Variants in OR52E5 observed in about 807,000 individuals in gnomAD.
OR52E5 encodes the protein olfactory receptor family 52 subfamily E member 5, also known as olfactory receptor 52E5.
intron 2 of OR52E5, among the ~76,000 whole-genome samples, chr11:5,898,877 C>T (rs566580268): frequency 2.0e-5 from 3 of 152,150 alleles, no homozygotes; most frequent in Non-Finnish European, 4.4e-5. Flanking sequence ...TAGTGTGATG[C>T]CTTTGGCTTT....
chr11:5,897,049 G>T (rs368531684), intron 2 of OR52E5, among the ~76,000 whole-genome samples: 1 of 152,216 alleles, frequency 6.6e-6, no homozygotes, highest in Non-Finnish European at 1.5e-5. Flanking sequence ...GCAGGGGATA[G>T]ATGTAAATAG....
chr11:5,893,823 G>T (rs1246934702), intron 1 of OR52E5, among the ~76,000 whole-genome samples: 1 of 151,898 alleles, frequency 6.6e-6, no homozygotes, highest in Non-Finnish European at 1.5e-5. Context: ...AATAAAAAAG[G>T]CTTACTTTTT....
chr11:5,899,094 T>C (rs1295832401), intron 2 of OR52E5, among the ~76,000 whole-genome samples: 1 of 152,216 alleles, frequency 6.6e-6, no homozygotes, highest in East Asian at 1.9e-4. Context: ...TTGCGTTATC[T>C]GTGATTTCTT....
At position 5,897,244 on chromosome 11, in the gene OR52E5, A is replaced by G. The variant is rs541736938; in HGVS notation, c.-146+1531A>G. 2.0e-5 allele frequency among the ~76,000 whole-genome samples: 3 copies of G among 152,302 alleles called. No homozygotes were observed. In the South Asian group the frequency reaches 6.2e-4, roughly 32 times the overall value. On this transcript the variant is annotated intron_variant, in intron 2 of 2. Coordinates refer to ENST00000610445, the MANE Select transcript of OR52E5 (RefSeq NM_001005166.5). ...TGAACCCATCACCCAAATAGTGAAC[A>G]TTGTACCCAAAAGGTAGTTTTTCAA...
In OR52E5 at chr11:5,900,993, C is replaced by T. The variant is rs2134297066; in HGVS notation, c.217C>T (p.Leu73=). 2.5e-6 allele frequency: 1 copy of T among 402,062 alleles called. No homozygotes were observed. Among genetic ancestry groups the T allele is most frequent in the East Asian group, 3.6e-5 (1 of 28,088 alleles). The allele number at this position is 402,062 out of a possible 1,614,324, so 24.9% of individuals were successfully genotyped here. A position where few individuals can be genotyped will look rare whatever the true frequency, so the allele number is the denominator to read the frequency against. Residue 73 remains leucine (L), a synonymous_variant, in exon 3 of 3, where the codon CTG becomes TTG. Transcript: ENST00000610445. ...CCTAGCCATGTTGGCCGGCACTGAT[C>T]TGGGCTTGTCTACAGCAACCATCCC... ...YFLAMLAGTD[L]GLSTATIPKM... is the part of the protein sequence containing the mutation.
Position 5,900,852 on chromosome 11 carries a change from C to T in OR52E5, c.76C>T (p.His26Tyr), listed in dbSNP as rs977494558. The stretch of plus-strand genomic sequence containing the variant: ...GGGGGTCCCAGGGCTGGAAGATGTG[C>T]ATGTATGGATTGGCTTCCCCTTCTT... ...VVGVPGLEDV[H>Y]VWIGFPFFAV... Residue 26 changes from histidine (H) to tyrosine (Y), a missense_variant, in exon 3 of 3, where the codon CAT becomes TAT. Transcript: ENST00000610445. 9 of 401,368 alleles carry T rather than the reference C, an allele frequency of 2.2e-5. No homozygotes were observed. The South Asian group carries it at 6.3e-4, about 28-fold the overall frequency. The allele number at this position is 401,368 out of a possible 1,614,324, so 24.9% of individuals were successfully genotyped here.
In OR52E5 at chr11:5,901,877, T is replaced by C. The variant is rs917116257; in HGVS notation, c.*117T>C. The stretch of plus-strand genomic sequence containing the variant: ...GTCTCATGATTTCAGTACGGTCTGT[T>C]GGAAGTTATAGCTCAAAGATTCCAA... On this transcript the variant is annotated 3_prime_UTR_variant, in exon 3 of 3. Transcript: ENST00000610445. 1 of 399,012 alleles carries C rather than the reference T, an allele frequency of 2.5e-6. No individual in the cohort carries two copies. The highest frequency in any genetic ancestry group is 3.6e-5 in the East Asian group (1 of 28,048). 24.7% of individuals were successfully genotyped at this position (399,012 alleles called of 1,614,324 possible).
At position 5,900,944 on chromosome 11, in the gene OR52E5, C is replaced by A; in HGVS notation, c.168C>A (p.Ser56Arg). The part of the protein sequence containing the change: ...IILFVIQTEQ[S>R]LHQPMFYFLA... Reference sequence around the variant, plus strand: ...TGTTTGTGATACAGACTGAACAGAGCCTCCACCAACCCATGTTTTACTTCC... The same window carrying A: ...TGTTTGTGATACAGACTGAACAGAGACTCCACCAACCCATGTTTTACTTCC... Residue 56 changes from serine to arginine, a missense_variant, in exon 3 of 3, where the codon AGC becomes AGA. Transcript: ENST00000610445. 7.5e-6 allele frequency: 3 copies of A among 401,556 alleles called. No individual in the cohort carries two copies. Among genetic ancestry groups the A allele is most frequent in the Non-Finnish European group, 1.3e-5 (3 of 226,278 alleles). 24.9% of individuals were successfully genotyped at this position (401,556 alleles called of 1,614,324 possible).
In OR52E5 at chr11:5,902,220, A is replaced by G. The variant is rs1403471380; in HGVS notation, c.*460A>G. The G allele has an allele frequency of 6.5e-6, 1 of 153,424 alleles. No individual in the cohort carries two copies. The allele number at this position is 153,424 out of a possible 1,614,324, so 9.5% of individuals were successfully genotyped here. On this transcript the variant is annotated 3_prime_UTR_variant, in exon 3 of 3. Transcript: ENST00000610445. ...ATTTTGACCTGAGCATTTCACTTAG[A>G]CTCTTTGAGTTCACAATAACAAATT...
At chr11:5,897,716 G>A (rs1052539155) in intron 2 of OR52E5, among the ~76,000 whole-genome samples, 9 of 152,152 alleles carry the variant, frequency 5.9e-5, no homozygotes, top group African/African-American at 1.9e-4. Context: ...TTCCATGGAG[G>A]TTGAGCTAAT....
At position 5,900,813 on chromosome 11, in the gene OR52E5, A is replaced by ACC; in HGVS notation, c.38_39dup (p.Phe14ProfsTer4). The ACC allele has an allele frequency of 2.5e-6, 1 of 401,232 alleles. No individual in the cohort carries two copies. The highest frequency in any genetic ancestry group is 4.4e-6 in the Non-Finnish European group (1 of 226,220). 24.9% of individuals were successfully genotyped at this position (401,232 alleles called of 1,614,324 possible). A position where few individuals can be genotyped will look rare whatever the true frequency, so the allele number is the denominator to read the frequency against. On this transcript the variant is annotated frameshift_variant, in exon 3 of 3. Coordinates refer to ENST00000610445, the MANE Select transcript of OR52E5 (RefSeq NM_001005166.5). LOFTEE classifies it low-confidence loss of function (END_TRUNC). Reference sequence around the variant, plus strand: ...CAACAATACACAGTTTCACCCTTCCACCTTCCTCGTAGTGGGGGTCCCAGG... The same window carrying ACC: ...CAACAATACACAGTTTCACCCTTCCACCCCTTCCTCGTAGTGGGGGTCCCAGG...
intron 2 of OR52E5, among the ~76,000 whole-genome samples, chr11:5,897,847 G>A (rs563413662): frequency 1.1e-3 from 161 of 151,932 alleles, no homozygotes; most frequent in African/African-American, 3.8e-3. Flanking sequence ...CTGTGTTTTT[G>A]TTTTTGTTGT....
At chr11:5,894,345 G>A (rs1261310228) in intron 1 of OR52E5, among the ~76,000 whole-genome samples, 1 of 152,240 alleles carries the variant, frequency 6.6e-6, no homozygotes, top group Non-Finnish European at 1.5e-5. Flanking sequence ...AAGTTACCAG[G>A]TGATGCTGAT....
Position 5,901,620 on chromosome 11 carries a change from T to G in OR52E5, c.844T>G (p.Phe282Val). 2 of 401,474 alleles carry G rather than the reference T, an allele frequency of 5.0e-6. No individual in the cohort carries two copies. The highest frequency in any genetic ancestry group is 8.8e-6 in the Non-Finnish European group (2 of 226,278). The allele number at this position is 401,474 out of a possible 1,614,324, so 24.9% of individuals were successfully genotyped here. A position where few individuals can be genotyped will look rare whatever the true frequency, so the allele number is the denominator to read the frequency against. ...TCTTCTGGCCAATCTGTATGTGGTT[T>G]TTCCCCCTGCTCTTAACTCTGTTAT... ...HILLANLYVVFPPALNSVIYG... is the reference protein window; with the variant it reads ...HILLANLYVVVPPALNSVIYG... Residue 282 changes from phenylalanine (F) to valine (V), a missense_variant, in exon 3 of 3, where the codon TTT becomes GTT. Physicochemically the swap from Phe to Val is conservative, Grantham distance 50 (BLOSUM62 -1). Transcript: ENST00000610445.
intron 2 of OR52E5, among the ~76,000 whole-genome samples, chr11:5,899,345 T>C (rs1168269919): frequency 6.6e-6 from 1 of 152,182 alleles, no homozygotes; most frequent in Non-Finnish European, 1.5e-5. Flanking sequence ...ACTCAGGAAA[T>C]GATCATATCA....
Position 5,901,603 on chromosome 11 carries a change from C to G in OR52E5, c.827C>G (p.Ala276Gly). The G allele has an allele frequency of 2.5e-6, 1 of 401,618 alleles. No homozygotes were observed. Among genetic ancestry groups the G allele is most frequent in the Non-Finnish European group, 4.4e-6 (1 of 226,328 alleles). The allele number at this position is 401,618 out of a possible 1,614,324, so 24.9% of individuals were successfully genotyped here. A position where few individuals can be genotyped will look rare whatever the true frequency, so the allele number is the denominator to read the frequency against. ...CCTCATTACATCCACATTCTTCTGG[C>G]CAATCTGTATGTGGTTTTTCCCCCT... ...NIPHYIHILL[A>G]NLYVVFPPAL... The change falls in exon 3 of 3, where the codon GCC becomes GGC. Residue 276 changes from alanine to glycine, a missense_variant. By Grantham distance (60) the Ala-to-Gly change is moderately conservative. Coordinates refer to ENST00000610445, the MANE Select transcript of OR52E5 (RefSeq NM_001005166.5).
rs567846887 is a variant in OR52E5, at chr11:5,894,440, A to T, written c.-228+1170A>T. On this transcript the variant is annotated intron_variant, in intron 1 of 2. Transcript: ENST00000610445. ...GATTGGCCTTTGGAAAAATAGGAAA[A>T]AAAAGAATGGATAATCTTGAAATAA... Among the ~76,000 whole-genome samples the T allele has an allele frequency of 2.6e-3, 389 of 152,298 alleles. 3 individuals are homozygous for T. Among genetic ancestry groups the T allele is most frequent in the African/African-American group, 8.9e-3 (369 of 41,566 alleles).
intron 2 of OR52E5, among the ~76,000 whole-genome samples, chr11:5,897,711 T>C (rs1409625703): frequency 2.0e-5 from 3 of 152,244 alleles, no homozygotes; most frequent in Non-Finnish European, 4.4e-5. Flanking sequence ...CTGTTTTCCA[T>C]GGAGGTTGAG....
intron 2 of OR52E5, among the ~76,000 whole-genome samples, chr11:5,896,371 A>G (rs10838793): frequency 0.08 from 11,812 of 148,278 alleles, 598 homozygotes; most frequent in East Asian, 0.23. Context: ...CAGTGAGCTG[A>G]GATAGCACCA....
Sources: allele counts gnomAD v4.1 joint callset (sites outside exome capture counted in the v4.1 genomes callset), GRCh38; gene constraint gnomAD v4.1.1; transcripts MANE v1.5; gene names NCBI Gene and HGNC (gene_info 2026-07-23, HGNC 2026-07-21).